ABCC5: variants seen among roughly 807,000 people sequenced by gnomAD.
ABCC5 encodes ATP-binding cassette sub-family C member 5.
ABCC5 carries 61 observed loss-of-function variants against 160.9 expected under a neutral mutation model. That is an observed-to-expected ratio of 0.38 (90% confidence interval 0.31 to 0.47). ABCC5 has a LOEUF of 0.47. ABCC5 is among the 20% of genes least tolerant of loss of function. The pLI, the probability that ABCC5 is intolerant of heterozygous loss-of-function variation, is 0.99. For missense variants in ABCC5, 1,308 were observed against 1,813.3 expected (o/e 0.72, Z 5.06); for synonymous variants, 666 against 700.6 (o/e 0.95, Z 0.78).
At chr3:183,979,410 G>A (rs1718509944) in intron 8 of ABCC5, among the ~76,000 whole-genome samples, 1 of 151,410 alleles carries the variant, frequency 6.6e-6, no homozygotes, top group Non-Finnish European at 1.5e-5. Context: ...GCTGTATGTT[G>A]GCAGTGGGAT....
At chr3:183,932,342 A>C (rs1334487426) in intron 26 of ABCC5, among the ~76,000 whole-genome samples, 1 of 152,242 alleles carries the variant, frequency 6.6e-6, no homozygotes, top group South Asian at 2.1e-4. Context: ...GAAAAATACT[A>C]GAGAGAACGG....
At chr3:183,958,168 G>A (rs138007707) in intron 17 of ABCC5, among the ~76,000 whole-genome samples, 74 of 152,266 alleles carry the variant, frequency 4.9e-4, no homozygotes, top group African/African-American at 1.2e-3. Flanking sequence ...ATGCAGATTC[G>A]TGTGTATATC....
At chr3:184,007,537 CA>C (rs1721328502) in intron 2 of ABCC5, among the ~76,000 whole-genome samples, 1 of 152,068 alleles carries the variant, frequency 6.6e-6, no homozygotes, top group African/African-American at 2.4e-5. Flanking sequence ...TATTCAAGAA[CA>C]CACATGCCCA....
chr3:183,989,345 G>A lies in ABCC5; in HGVS notation c.168C>T (p.Ala56=), dbSNP rs755089017. The change falls in exon 3 of 30, where the codon GCC becomes GCT. Residue 56 remains alanine (A), a synonymous_variant. Coordinates refer to ENST00000334444, the MANE Select transcript of ABCC5 (RefSeq NM_005688.4). ...CQDALETAAR[A]EGLSLDASMH... is the part of the protein sequence containing the mutation. Reference sequence around the variant, plus strand: ...TGGAGGCATCAAGAGAGAGGCCCTCGGCTCGGGCTGCTGTTTCCAAGGCAT... The same window carrying A: ...TGGAGGCATCAAGAGAGAGGCCCTCAGCTCGGGCTGCTGTTTCCAAGGCAT... 4.6e-5 allele frequency: 74 copies of A among 1,613,812 alleles called. No homozygotes were observed. The highest frequency in any genetic ancestry group is 6.7e-5 in the East Asian group (3 of 44,870).
At chr3:183,958,735 A>G (rs1716457023) in intron 17 of ABCC5, among the ~76,000 whole-genome samples, 1 of 151,630 alleles carries the variant, frequency 6.6e-6, no homozygotes, top group Admixed American at 6.6e-5. Flanking sequence ...AGTAGCTGGG[A>G]CTACAGGTAT....
rs762924078 is a variant in ABCC5 at position 183,987,955 on chromosome 3, G to T, written c.444-38C>A. On this transcript the variant is annotated intron_variant, in intron 4 of 29. Transcript: ENST00000334444. The surrounding 1 kb of genome is among the most constrained non-coding windows in gnomAD (Gnocchi z 4.2). Reference sequence around the variant, plus strand: ...ACACGTCCTCGTTACACATCTCCTCGGGGGAAAGGCACACCTAGCTCCCCG... The same window carrying T: ...ACACGTCCTCGTTACACATCTCCTCTGGGGAAAGGCACACCTAGCTCCCCG... 2.5e-6 allele frequency: 4 copies of T among 1,604,226 alleles called. No homozygotes were observed. The Admixed American group carries it at 5.0e-5, about 20-fold the overall frequency.
chr3:184,008,300 G>A (rs189748950), intron 2 of ABCC5, among the ~76,000 whole-genome samples: 1 of 152,110 alleles, frequency 6.6e-6, no homozygotes, highest in African/African-American at 2.4e-5. Flanking sequence ...GGCTCGTGGA[G>A]TCATATGATC....
rs745894807 is a variant in ABCC5 at position 183,959,728 on chromosome 3, A to G, written c.2482+5T>C. ...AAATCTAAAAATTTCAAAAAAGGCC[A>G]TTACCTTCCTCTGGCTTTACTGCTT... On this transcript the variant is annotated splice_donor_5th_base_variant and intron_variant, in intron 17 of 29. Coordinates refer to ENST00000334444, the MANE Select transcript of ABCC5 (RefSeq NM_005688.4). 1.3e-6 allele frequency: 2 copies of G among 1,596,678 alleles called. No individual in the cohort carries two copies. The highest frequency in any genetic ancestry group is 1.8e-5 in the Admixed American group (1 of 56,200).
intron 11 of ABCC5, among the ~76,000 whole-genome samples, chr3:183,970,440 T>G (rs1375049792): frequency 5.6e-5 from 5 of 89,814 alleles, no homozygotes; most frequent in Non-Finnish European, 1.2e-4. Flanking sequence ...CTCACCCACC[T>G]TTTTTTTTTT....
chr3:183,941,283 CA>C (rs1329071413), intron 25 of ABCC5, among the ~76,000 whole-genome samples: 1 of 152,176 alleles, frequency 6.6e-6, no homozygotes, highest in African/African-American at 2.4e-5. Context: ...AGTCAGCTTT[CA>C]GGGGAGCAGT....
At chr3:183,981,912 A>G (rs775872131) in intron 7 of ABCC5, 38 bp from the exon 8 acceptor site, 4 of 1,569,146 alleles carry the variant, frequency 2.5e-6, no homozygotes, top group Non-Finnish European at 3.4e-6. Flanking sequence ...ATTAAAGCTC[A>G]TTCAAACTTG....
At chr3:183,959,421 G>C (rs1716525842) in intron 17 of ABCC5, among the ~76,000 whole-genome samples, 1 of 152,050 alleles carries the variant, frequency 6.6e-6, no homozygotes, top group South Asian at 2.1e-4. Context: ...TGGATGGAAG[G>C]GTGTACCTGT....
intron 5 of ABCC5, chr3:183,983,324 AC>A (rs1718908690): frequency 8.2e-6 from 3 of 363,930 alleles, no homozygotes; most frequent in African/African-American, 2.0e-5. Context: ...TATAGCTTTG[AC>A]CTTATTCCAG....
At chr3:183,947,780 T>C (rs1714986536) in intron 22 of ABCC5, among the ~76,000 whole-genome samples, 1 of 152,194 alleles carries the variant, frequency 6.6e-6, no homozygotes, top group African/African-American at 2.4e-5. Flanking sequence ...AAAACATCTA[T>C]CTCAGCACAG....
intron 27 of ABCC5, 43 bp from the exon 28 acceptor site, chr3:183,927,486 G>A: frequency 6.4e-7 from 1 of 1,573,656 alleles, no homozygotes; most frequent in South Asian, 1.2e-5. Context: ...AAGAAACTAA[G>A]CTGAATTTCC....
At chr3:183,956,755 G>T (rs944234548) in intron 17 of ABCC5, among the ~76,000 whole-genome samples, 2 of 50,178 alleles carry the variant, frequency 4.0e-5, no homozygotes, top group African/African-American at 1.6e-4. Flanking sequence ...GTTACATGCG[G>T]ATCCGTGTGT....
chr3:183,999,394 T>C (rs745894037), intron 2 of ABCC5, among the ~76,000 whole-genome samples: 4 of 152,190 alleles, frequency 2.6e-5, no homozygotes, highest in Non-Finnish European at 4.4e-5. Context: ...AAAGACTTAA[T>C]ATATTCAAGC....
Position 183,971,924 on chromosome 3 carries a change from T to C in ABCC5, c.1405-5A>G. On this transcript the variant is annotated splice_region_variant and splice_polypyrimidine_tract_variant and intron_variant, in intron 10 of 29. Coordinates refer to ENST00000334444, the MANE Select transcript of ABCC5 (RefSeq NM_005688.4). ...CTCTTCCATTAGAAACAAACTCTGATAGGAGTTGTGAGAGAGGTGCAAAGA... is the reference window on the plus strand; with the variant it reads ...CTCTTCCATTAGAAACAAACTCTGACAGGAGTTGTGAGAGAGGTGCAAAGA... 9.9e-6 allele frequency: 16 copies of C among 1,613,742 alleles called. No individual in the cohort carries two copies. The highest frequency in any genetic ancestry group is 1.3e-5 in the Non-Finnish European group (15 of 1,180,018).
intron 29 of ABCC5, among the ~76,000 whole-genome samples, chr3:183,924,245 C>T (rs1577443703): frequency 6.6e-6 from 1 of 152,114 alleles, no homozygotes; most frequent in African/African-American, 2.4e-5. Context: ...CTCTTGAACG[C>T]CTGAGCTCAG....
Sources: allele counts gnomAD v4.1 joint callset (sites outside exome capture counted in the v4.1 genomes callset), GRCh38; gene constraint gnomAD v4.1.1; non-coding constraint Gnocchi (gnomAD v3.1); transcripts MANE v1.5; gene names NCBI Gene and HGNC (gene_info 2026-07-23, HGNC 2026-07-21).